ZNF385C: variants seen among roughly 807,000 people sequenced by gnomAD.
The protein encoded by ZNF385C is CTD-2132N18.2.
In ZNF385C, 28 loss-of-function variants were observed where a neutral mutation model predicts 35.4. The observed-to-expected ratio is 0.79, with a 90% confidence interval of 0.59 to 1.08. The LOEUF (loss-of-function observed/expected upper bound fraction) is 1.08, where lower values mean the gene tolerates loss of function less well. Among genes scored for constraint, ZNF385C ranks in the 50% least tolerant of loss-of-function variants. The probability of loss-of-function intolerance (pLI) is 0.00; values close to 1 mark genes in which losing one functional copy is unlikely to be tolerated. For synonymous variants in ZNF385C, 248 were observed against 248.2 expected (o/e 1.00, Z 0.01); for missense variants, 605 against 595.6 (o/e 1.02, Z -0.16).
At chr17:42,073,530 C>A (rs2053653414) in intron 1 of ZNF385C, among the ~76,000 whole-genome samples, 5 of 152,122 alleles carry the variant, frequency 3.3e-5, no homozygotes. Context: ...TAGGCACTGT[C>A]TCTGGAGGTC....
At chr17:42,053,774 G>A (rs549096558) in intron 2 of ZNF385C, among the ~76,000 whole-genome samples, 38 of 152,278 alleles carry the variant, frequency 2.5e-4, no homozygotes, top group African/African-American at 8.4e-4. Context: ...GCTGGGGAGA[G>A]GGGAGAGGAC....
At chr17:42,096,490 A>T (rs1165648122) in intron 1 of ZNF385C, among the ~76,000 whole-genome samples, 1 of 152,184 alleles carries the variant, frequency 6.6e-6, no homozygotes, top group East Asian at 1.9e-4. Context: ...TCCCTTGCCC[A>T]GGTTTAAGGG....
chr17:42,042,421 C>A (rs966811851), intron 2 of ZNF385C, among the ~76,000 whole-genome samples: 1 of 151,908 alleles, frequency 6.6e-6, no homozygotes, highest in Non-Finnish European at 1.5e-5. Context: ...AATAGGGAGG[C>A]TGAGGCAGGA....
intron 2 of ZNF385C, chr17:42,042,813 A>G: frequency 8.1e-7 from 1 of 1,231,974 alleles, no homozygotes; most frequent in Non-Finnish European, 1.0e-6. Flanking sequence ...CCCTTCCCCC[A>G]TACTTCTGGC....
chr17:42,051,812 C>T (rs1402656834), intron 2 of ZNF385C, among the ~76,000 whole-genome samples: 2 of 152,162 alleles, frequency 1.3e-5, no homozygotes, highest in African/African-American at 4.8e-5. Flanking sequence ...AACTCCTCTG[C>T]CCCAGCATCC....
At chr17:42,042,563 C>G (rs886643085) in intron 2 of ZNF385C, among the ~76,000 whole-genome samples, 2 of 152,076 alleles carry the variant, frequency 1.3e-5, no homozygotes, top group East Asian at 3.8e-4. Context: ...TCAATCAAGC[C>G]TCCAGGCCAC....
chr17:42,061,486 G>A (rs112375200), intron 2 of ZNF385C: 8,410 of 152,192 alleles, frequency 0.055, 335 homozygotes, highest in African/African-American at 0.12. Flanking sequence ...CTCCCAAAGT[G>A]CTAGGATTAC....
At position 42,076,989 on chromosome 17, in the gene ZNF385C, T is replaced by C. The variant is rs534507755; in HGVS notation, c.-2-13931A>G. On this transcript the variant is annotated intron_variant, in intron 1 of 8. Coordinates refer to ENST00000692273, the MANE Select transcript of ZNF385C (RefSeq NM_001392013.1). ...TCCAGAAAATGACGCTTAGTCTAAA[T>C]AAAGCCTCTGAGTCTCCAGTTTGAC... Among the ~76,000 whole-genome samples, 247 of 152,268 alleles carry C rather than the reference T, an allele frequency of 1.6e-3. 1 individual carries two copies. The highest frequency in any genetic ancestry group is 3.2e-3 in the Admixed American group (49 of 15,292).
chr17:42,051,181 G>C (rs2053276269), intron 2 of ZNF385C, among the ~76,000 whole-genome samples: 1 of 151,864 alleles, frequency 6.6e-6, no homozygotes. Context: ...ATGGCTCTAG[G>C]GGAATGCTGG....
Position 42,026,774 on chromosome 17 carries a change from G to C in ZNF385C, c.*123C>G. The C allele has an allele frequency of 1.0e-6, 1 of 968,604 alleles. No individual in the cohort carries two copies. Among genetic ancestry groups the C allele is most frequent in the Non-Finnish European group, 1.6e-6 (1 of 618,816 alleles). 60.0% of individuals were successfully genotyped at this position (968,604 alleles called of 1,614,324 possible). A position where few individuals can be genotyped will look rare whatever the true frequency, so the allele number is the denominator to read the frequency against. On this transcript the variant is annotated 3_prime_UTR_variant, in exon 9 of 9. Transcript: ENST00000692273. The stretch of plus-strand genomic sequence containing the variant: ...CCTTAAAACTAGCCCAGCTCTTTCT[G>C]GATCGGGCAGGACCCCTGAAGCTGT...
chr17:42,085,359 C>T (rs1189029577), intron 1 of ZNF385C, among the ~76,000 whole-genome samples: 2 of 151,672 alleles, frequency 1.3e-5, no homozygotes, highest in African/African-American at 2.4e-5. Flanking sequence ...ACCTCCACCT[C>T]GCAGGTTCAA....
chr17:42,085,425 C>T lies in ZNF385C; in HGVS notation c.-3+12985G>A, dbSNP rs182893823. Among the ~76,000 whole-genome samples, 65 of 151,338 alleles carry T rather than the reference C, an allele frequency of 4.3e-4. 1 individual carries two copies. The highest frequency in any genetic ancestry group is 6.8e-3 in the Middle Eastern group (2 of 294). On this transcript the variant is annotated intron_variant, in intron 1 of 8. Coordinates refer to ENST00000692273, the MANE Select transcript of ZNF385C (RefSeq NM_001392013.1). ...CTGGGACTACAAGTGTGCGCCACCA[C>T]GTCCGGCTAATTTTTTTCTTTTTTT...
intron 5 of ZNF385C, among the ~76,000 whole-genome samples, chr17:42,029,472 A>C (rs1555654764): frequency 6.6e-6 from 1 of 152,214 alleles, no homozygotes; most frequent in Non-Finnish European, 1.5e-5. Flanking sequence ...TAATCCGAGC[A>C]CTTTGGGAGG....
rs571041618 is a variant in ZNF385C, at chr17:42,040,006, G to C, written c.251-2121C>G. 4 of 1,230,908 alleles carry C rather than the reference G, an allele frequency of 3.2e-6. No homozygotes were observed. In the South Asian group the frequency reaches 1.2e-4, roughly 38 times the overall value. The allele number at this position is 1,230,908 out of a possible 1,614,324, so 76.2% of individuals were successfully genotyped here. A position where few individuals can be genotyped will look rare whatever the true frequency, so the allele number is the denominator to read the frequency against. ...CGCCAGCTGGGTGCACAGGGCCCGC[G>C]GGCCGAGCCGCCCAAGGCCGAATAC... On this transcript the variant is annotated intron_variant, in intron 2 of 8. Transcript: ENST00000692273.
rs531764608 is a variant in ZNF385C at position 42,086,828 on chromosome 17, CT to C, written c.-3+11581del. 8.8e-3 allele frequency among the ~76,000 whole-genome samples: 1,161 copies of C among 132,310 alleles called. 10 individuals carry two copies. Among genetic ancestry groups the C allele is most frequent in the African/African-American group, 0.022 (802 of 36,312 alleles). The allele number at this position is 132,310 out of a possible 152,430, so 86.8% of individuals were successfully genotyped here. Reference sequence around the variant, plus strand: ...TTCCCATATGTAACTCAGTTTAATACTTTTTTTTTTTTTTTTTTAGATAGAG... The same window carrying C: ...TTCCCATATGTAACTCAGTTTAATACTTTTTTTTTTTTTTTTTAGATAGAG... On this transcript the variant is annotated intron_variant, in intron 1 of 8. Coordinates refer to ENST00000692273, the MANE Select transcript of ZNF385C (RefSeq NM_001392013.1).
chr17:42,069,136 A>G (rs564687789), intron 1 of ZNF385C, among the ~76,000 whole-genome samples: 1 of 152,282 alleles, frequency 6.6e-6, no homozygotes, highest in South Asian at 2.1e-4. Flanking sequence ...AGGCTGCTGC[A>G]GAGAGGGTAG....
chr17:42,083,620 T>C (rs1454871474), intron 1 of ZNF385C, among the ~76,000 whole-genome samples: 2 of 151,782 alleles, frequency 1.3e-5, no homozygotes, highest in African/African-American at 4.8e-5. Context: ...GTTGTCTTTA[T>C]TAAGTTTTTG....
intron 1 of ZNF385C, among the ~76,000 whole-genome samples, chr17:42,079,244 A>G (rs1470874031): frequency 1.4e-5 from 2 of 147,342 alleles, no homozygotes; most frequent in Non-Finnish European, 3.0e-5. Flanking sequence ...ACACACATAT[A>G]TGAACAAAAA....
rs559123740 is a variant in ZNF385C, at chr17:42,040,584, A to C, written c.251-2699T>G. The C allele has an allele frequency of 1.2e-5, 15 of 1,232,628 alleles. No individual in the cohort carries two copies. In the East Asian group the frequency reaches 4.7e-4, roughly 39 times the overall value. 76.4% of individuals were successfully genotyped at this position (1,232,628 alleles called of 1,614,324 possible). ...GGGCCAGGGCCAGTGACCCCGCCAC[A>C]GGTGAGGCAAGGGCTGCAGCCTCCA... On this transcript the variant is annotated intron_variant, in intron 2 of 8. Coordinates refer to ENST00000692273, the MANE Select transcript of ZNF385C (RefSeq NM_001392013.1).
Sources: gnomAD v4.1 joint callset for allele counts (sites outside exome capture counted in the v4.1 genomes callset) on GRCh38, gnomAD v4.1.1 for gene constraint, MANE v1.5 for transcripts, NCBI Gene and HGNC (gene_info 2026-07-23, HGNC 2026-07-21) for gene names.